The following NAV2 variants were observed in gnomAD, a reference collection of about 807,000 sequenced individuals.
NAV2 encodes neuron navigator 2, also known as helicase, APC down-regulated 1.
In NAV2, 54 loss-of-function variants were observed where a neutral mutation model predicts 223.2. The ratio of observed to expected loss-of-function variants is 0.24; its 90% CI spans 0.19 to 0.30. The LOEUF is 0.30. Among genes scored for constraint, NAV2 ranks in the 10% least tolerant of loss-of-function variants. NAV2 has a pLI of 1.00. For missense variants in NAV2, 2,806 were observed against 3,147.5 expected (o/e 0.89, Z 2.60); for synonymous variants, 1,279 against 1,239.3 (o/e 1.03, Z -0.67).
upstream of NAV2, among the ~76,000 whole-genome samples, chr11:19,348,597 C>A (rs1853126179): frequency 6.6e-6 from 1 of 152,208 alleles, no homozygotes; most frequent in African/African-American, 2.4e-5. Flanking sequence ...GAGGAAGTGA[C>A]ACACAGCATG....
chr11:20,103,692 G>A lies in NAV2; in HGVS notation c.6612G>A (p.Ser2204=), dbSNP rs780934641. 5.1e-5 allele frequency: 83 copies of A among 1,614,052 alleles called. No individual in the cohort carries two copies. In the African/African-American group the frequency reaches 7.2e-4, roughly 14 times the overall value. ...IIGTMNQATS[S]TPNLQLHHNF... ...GCACAATGAACCAGGCTACCTCTTC[G>A]ACTCCCAACCTGCAGCTTCACCATA... Residue 2204 remains serine, a synonymous_variant, in exon 34 of 38, where the codon TCG becomes TCA. Transcript: ENST00000349880.
intron 1 of NAV2, among the ~76,000 whole-genome samples, chr11:19,370,809 G>A (rs1848443213): frequency 6.6e-6 from 1 of 152,186 alleles, no homozygotes; most frequent in African/African-American, 2.4e-5. Context: ...CTAATGCTAA[G>A]GGGACATGCA....
At chr11:19,569,295 A>T (rs568085535) in intron 1 of NAV2, among the ~76,000 whole-genome samples, 1 of 152,168 alleles carries the variant, frequency 6.6e-6, no homozygotes, top group Non-Finnish European at 1.5e-5. Flanking sequence ...CTCATTTTGC[A>T]GGGCTCAGCT....
chr11:19,778,413 T>C, intron 1 of NAV2: 1 of 454,306 alleles, frequency 2.2e-6, no homozygotes. Context: ...GCCTGGCATA[T>C]AAAAAGGATT....
intron 1 of NAV2, among the ~76,000 whole-genome samples, chr11:19,393,237 T>A (rs538337882): frequency 2.6e-5 from 4 of 152,330 alleles, no homozygotes; most frequent in African/African-American, 9.6e-5. Context: ...GCCATGGGAA[T>A]GACACAGTAA....
Position 20,049,121 on chromosome 11 carries a change from C to T in NAV2, c.4296C>T (p.Leu1432=), listed in dbSNP as rs1265992204. ...CCAGCCACAATTCTTCCACTGGCCT[C>T]ATCGCCTCCTCCAAGGACGACTCCT... ...GVPSHNSSTG[L]IASSKDDSLT... Residue 1432 remains leucine (L), a synonymous_variant, in exon 15 of 38, where the codon CTC becomes CTT. Coordinates refer to ENST00000349880, the MANE Select transcript of NAV2 (RefSeq NM_145117.5). 3.7e-6 allele frequency: 6 copies of T among 1,613,984 alleles called. No individual in the cohort carries two copies. Among genetic ancestry groups the T allele is most frequent in the East Asian group, 2.2e-5 (1 of 44,882 alleles).
In NAV2 at chr11:19,410,389, A is replaced by G. The variant is rs577967938; in HGVS notation, c.75+59362A>G. 2.0e-5 allele frequency among the ~76,000 whole-genome samples: 3 copies of G among 152,306 alleles called. No homozygotes were observed. The East Asian group carries it at 5.8e-4, about 29-fold the overall frequency. On this transcript the variant is annotated intron_variant, in intron 1 of 37. Transcript: ENST00000360655. ...CTGCACTATTCTAAGCACTTTACAA[A>G]TATGAATTCATTTAATCTCCATACC...
At position 20,054,210 on chromosome 11, in the gene NAV2, T is replaced by A; in HGVS notation, c.4612T>A (p.Ser1538Thr). 1 of 1,611,688 alleles carries A rather than the reference T, an allele frequency of 6.2e-7. No homozygotes were observed. ...FSSGSSVTSP[S>T]GTRFNFSQLA... is the part of the protein sequence containing the mutation. ...CTCTGGCTCCAGCGTGACTTCTCCC[T>A]CCGGAACAAGATTCAACTTTTCCCA... The change falls in exon 18 of 38, where the codon TCC (serine) becomes ACC (threonine). Residue 1538 changes from serine to threonine, a missense_variant. Ser to Thr is a moderately conservative substitution (Grantham distance 58). Coordinates refer to ENST00000349880, the MANE Select transcript of NAV2 (RefSeq NM_145117.5).
intron 1 of NAV2, among the ~76,000 whole-genome samples, chr11:19,793,902 C>T (rs2057720354): frequency 6.6e-6 from 1 of 152,188 alleles, no homozygotes. Flanking sequence ...CATGATGCTT[C>T]CTTCTCATTT....
chr11:19,921,810 C>T (rs2044296295), intron 6 of NAV2, among the ~76,000 whole-genome samples: 1 of 152,160 alleles, frequency 6.6e-6, no homozygotes, highest in Admixed American at 6.5e-5. Context: ...GGATTTATAG[C>T]ACGAATAAAA....
intron 1 of NAV2, among the ~76,000 whole-genome samples, chr11:19,706,516 G>T (rs780303833): frequency 2.8e-4 from 42 of 152,064 alleles, no homozygotes; most frequent in Non-Finnish European, 5.0e-4. Flanking sequence ...TATATTGTTT[G>T]TCATTCATTT....
intron 1 of NAV2, among the ~76,000 whole-genome samples, chr11:19,739,979 TGGAGAG>T (rs1222536914): frequency 1.3e-5 from 2 of 152,056 alleles, no homozygotes; most frequent in Admixed American, 1.3e-4. Flanking sequence ...ATCCTCTCCT[TGGAGAG>T]GGAAAGGAAG....
intron 1 of NAV2, among the ~76,000 whole-genome samples, chr11:19,404,367 C>T (rs1328927909): frequency 6.6e-6 from 1 of 152,216 alleles, no homozygotes; most frequent in East Asian, 1.9e-4. Flanking sequence ...GAATGCACGT[C>T]AGGCTTCTTG....
At chr11:19,581,108 T>C (rs1429747234) in intron 1 of NAV2, among the ~76,000 whole-genome samples, 1 of 152,226 alleles carries the variant, frequency 6.6e-6, no homozygotes, top group Non-Finnish European at 1.5e-5. Context: ...CAGTTTCCCA[T>C]TGAATTGTTT....
At chr11:19,637,534 A>C (rs2135535724) in intron 1 of NAV2, among the ~76,000 whole-genome samples, 1 of 152,384 alleles carries the variant, frequency 6.6e-6, no homozygotes, top group East Asian at 1.9e-4. Context: ...TATAAAGAAA[A>C]GAAGTTTAAT....
At chr11:19,658,128 T>C (rs1418274419) in intron 1 of NAV2, among the ~76,000 whole-genome samples, 1 of 152,214 alleles carries the variant, frequency 6.6e-6, no homozygotes, top group Non-Finnish European at 1.5e-5. Flanking sequence ...ATAAACTTAC[T>C]TAATTTTTCA....
At chr11:19,762,383 G>A (rs571749018) in intron 1 of NAV2, among the ~76,000 whole-genome samples, 2 of 152,310 alleles carry the variant, frequency 1.3e-5, no homozygotes, top group Non-Finnish European at 2.9e-5. Context: ...AGCCCACTCT[G>A]TGCAAATCCC....
At chr11:19,729,953 C>T (rs1259548798) in intron 1 of NAV2, among the ~76,000 whole-genome samples, 11 of 152,304 alleles carry the variant, frequency 7.2e-5, no homozygotes, top group Middle Eastern at 3.4e-3. Flanking sequence ...ACATTCCATG[C>T]TTACATGATG....
rs575253773 is a variant in NAV2, at chr11:19,928,901, A to T, written c.932-4275A>T. Among the ~76,000 whole-genome samples the T allele has an allele frequency of 2.0e-5, 3 of 152,192 alleles. No individual in the cohort carries two copies. In the East Asian group the frequency reaches 5.8e-4, roughly 29 times the overall value. On this transcript the variant is annotated intron_variant, in intron 6 of 37. Transcript: ENST00000349880. ...ACACCTCCCCTTTGTTTAACTTACT[A>T]TCTGAGAAGCCTGTTGAGGAAAGCT...
Sources: allele counts gnomAD v4.1 joint callset (sites outside exome capture counted in the v4.1 genomes callset), GRCh38; gene constraint gnomAD v4.1.1; transcripts MANE v1.5; gene names NCBI Gene and HGNC (gene_info 2026-07-23, HGNC 2026-07-21).